PPM1H: variants seen among roughly 807,000 people sequenced by gnomAD.
The protein encoded by PPM1H is protein phosphatase, Mg2+/Mn2+ dependent 1H, also known as protein phosphatase 1H.
PPM1H carries 27 observed loss-of-function variants against 54.9 expected under a neutral mutation model. The ratio of observed to expected loss-of-function variants is 0.49; its 90% CI spans 0.36 to 0.68. The LOEUF (loss-of-function observed/expected upper bound fraction) is 0.68, where lower values mean the gene tolerates loss of function less well. Ranked by LOEUF, PPM1H falls within the 30% of genes least tolerant of loss-of-function variation. The pLI, the probability that PPM1H is intolerant of heterozygous loss-of-function variation, is 0.00. For synonymous variants in PPM1H, 305 were observed against 270.8 expected (o/e 1.13, Z -1.24); for missense variants, 596 against 667.8 (o/e 0.89, Z 1.19).
chr12:62,772,018 A>C lies in PPM1H; in HGVS notation c.869+16208T>G, dbSNP rs919121314. On this transcript the variant is annotated intron_variant, in intron 4 of 9. Transcript: ENST00000228705. Reference sequence around the variant, plus strand: ...TTTACAGACGAGGTAACTGGGGCACAGAATGGTTAAGTAACTGGCTGGAGG... The same window carrying C: ...TTTACAGACGAGGTAACTGGGGCACCGAATGGTTAAGTAACTGGCTGGAGG... Among the ~76,000 whole-genome samples the C allele has an allele frequency of 2.0e-5, 3 of 152,222 alleles. No homozygotes were observed. In the East Asian group the frequency reaches 5.8e-4, roughly 29 times the overall value.
chr12:62,719,967 C>T (rs1363880896), intron 6 of PPM1H, among the ~76,000 whole-genome samples: 2 of 152,154 alleles, frequency 1.3e-5, no homozygotes, highest in African/African-American at 2.4e-5. Flanking sequence ...AGGAGGGCCT[C>T]GAAGAAGCAG....
intron 7 of PPM1H, among the ~76,000 whole-genome samples, chr12:62,692,904 A>T (rs2076090535): frequency 7.0e-6 from 1 of 142,128 alleles, no homozygotes; most frequent in African/African-American, 2.9e-5. Context: ...CCAAAACCTA[A>T]CCATGTTTGT....
At chr12:62,825,732 G>C (rs573188830) in intron 2 of PPM1H, among the ~76,000 whole-genome samples, 1 of 152,082 alleles carries the variant, frequency 6.6e-6, no homozygotes, top group Admixed American at 6.5e-5. Context: ...GGGGCCTGTC[G>C]CGGAGTGTGG....
At chr12:62,717,855 A>G (rs1160985204) in intron 6 of PPM1H, among the ~76,000 whole-genome samples, 3 of 152,234 alleles carry the variant, frequency 2.0e-5, no homozygotes, top group Non-Finnish European at 4.4e-5. Flanking sequence ...TGCTTTTCAA[A>G]GTTAGTAACA....
intron 1 of PPM1H, among the ~76,000 whole-genome samples, chr12:62,894,189 C>A (rs1565822222): frequency 6.6e-6 from 1 of 152,122 alleles, no homozygotes; most frequent in Non-Finnish European, 1.5e-5. Flanking sequence ...GTTTAAGTCA[C>A]TAAGTTGGGA....
intron 1 of PPM1H, among the ~76,000 whole-genome samples, chr12:62,886,915 G>A (rs550813850): frequency 2.0e-4 from 30 of 152,302 alleles, no homozygotes; most frequent in Middle Eastern, 3.4e-3. Flanking sequence ...AGCAAAACCC[G>A]GTGGCAGGTA....
intron 8 of PPM1H, among the ~76,000 whole-genome samples, chr12:62,674,958 C>T (rs2075977658): frequency 6.6e-6 from 1 of 152,158 alleles, no homozygotes; most frequent in African/African-American, 2.4e-5. Context: ...TGGGGCTGCT[C>T]ATGGCTCCAA....
At chr12:62,820,243 G>T (rs993706342) in intron 2 of PPM1H, among the ~76,000 whole-genome samples, 9 of 152,248 alleles carry the variant, frequency 5.9e-5, no homozygotes, top group African/African-American at 9.6e-5. Context: ...TAAACAAAGC[G>T]GCTGGGGAAG....
At chr12:62,902,264 G>C (rs910640696) in intron 1 of PPM1H, among the ~76,000 whole-genome samples, 6 of 151,894 alleles carry the variant, frequency 4.0e-5, no homozygotes, top group Non-Finnish European at 5.9e-5. Flanking sequence ...TGAGGCAGGA[G>C]AATCACTTAA....
chr12:62,816,050 T>G (rs2076864462), intron 2 of PPM1H, among the ~76,000 whole-genome samples: 1 of 152,158 alleles, frequency 6.6e-6, no homozygotes, highest in Admixed American at 6.5e-5. Flanking sequence ...GAGAAAATAT[T>G]TAGTGTCAAA....
chr12:62,745,148 G>A (rs1373662923), intron 4 of PPM1H, among the ~76,000 whole-genome samples: 1 of 152,084 alleles, frequency 6.6e-6, no homozygotes, highest in Non-Finnish European at 1.5e-5. Context: ...GTTTCAATGA[G>A]TGGCAAGGAA....
In PPM1H at chr12:62,673,715, CTTT is replaced by C. The variant is rs567775927; in HGVS notation, c.1246-6389_1246-6387del. 8.6e-3 allele frequency among the ~76,000 whole-genome samples: 360 copies of C among 41,914 alleles called. 1 individual carries two copies. The highest frequency in any genetic ancestry group is 0.036 in the Middle Eastern group (1 of 28). 27.5% of individuals were successfully genotyped at this position (41,914 alleles called of 152,430 possible). The stretch of plus-strand genomic sequence containing the variant: ...GCTTTGTGACTTGAGAAGAGCCACT[CTTT>C]TTTTTTTTTTTTTTTTTTTTTTTTT... On this transcript the variant is annotated intron_variant, in intron 8 of 9. Transcript: ENST00000228705.
chr12:62,930,692 C>T (rs1046400457), intron 1 of PPM1H, among the ~76,000 whole-genome samples: 9 of 152,200 alleles, frequency 5.9e-5, no homozygotes, highest in South Asian at 2.1e-4. Flanking sequence ...AAGTAGCTGC[C>T]GCCTGGTCTC....
intron 1 of PPM1H, among the ~76,000 whole-genome samples, chr12:62,862,247 G>C (rs1460894321): frequency 3.3e-5 from 5 of 152,174 alleles, no homozygotes; most frequent in Non-Finnish European, 7.4e-5. Context: ...ATATAAGATG[G>C]CTACTGGCCC....
At position 62,838,805 on chromosome 12, in the gene PPM1H, C is replaced by T. The variant is rs927627000; in HGVS notation, c.246-6526G>A. On this transcript the variant is annotated intron_variant, in intron 1 of 9. Transcript: ENST00000228705. Reference sequence around the variant, plus strand: ...GCGTAGTGGCGGGCGCCTGTAGTCCCAGCTACTCGGGAGGCTGAGGCAGGA... The same window carrying T: ...GCGTAGTGGCGGGCGCCTGTAGTCCTAGCTACTCGGGAGGCTGAGGCAGGA... Among the ~76,000 whole-genome samples, 4 of 130,928 alleles carry T rather than the reference C, an allele frequency of 3.1e-5. 1 individual carries two copies. Among genetic ancestry groups the T allele is most frequent in the African/African-American group, 1.3e-4 (4 of 30,964 alleles). 85.9% of individuals were successfully genotyped at this position (130,928 alleles called of 152,430 possible).
chr12:62,819,781 C>T (rs1006845896), intron 2 of PPM1H, among the ~76,000 whole-genome samples: 4 of 152,190 alleles, frequency 2.6e-5, no homozygotes, highest in Non-Finnish European at 5.9e-5. Flanking sequence ...TCAGGTGCCA[C>T]TGTCAAGAGC....
At chr12:62,859,986 G>T (rs1292002272) in intron 1 of PPM1H, among the ~76,000 whole-genome samples, 2 of 152,198 alleles carry the variant, frequency 1.3e-5, no homozygotes, top group Non-Finnish European at 2.9e-5. Context: ...CTTGTCTTCT[G>T]GGGAGGTGAA....
intron 1 of PPM1H, among the ~76,000 whole-genome samples, chr12:62,852,573 T>C (rs1869236459): frequency 6.6e-6 from 1 of 152,234 alleles, no homozygotes. Context: ...AATGCCATCA[T>C]GTAGAGGAAT....
chr12:62,827,150 A>G (rs1318714877), intron 2 of PPM1H, among the ~76,000 whole-genome samples: 3 of 152,136 alleles, frequency 2.0e-5, no homozygotes, highest in African/African-American at 2.4e-5. Context: ...ATTTCCTACA[A>G]AACACTTTCA....
Sources: gnomAD v4.1 joint callset for allele counts (sites outside exome capture counted in the v4.1 genomes callset) on GRCh38, gnomAD v4.1.1 for gene constraint, MANE v1.5 for transcripts, NCBI Gene and HGNC (gene_info 2026-07-23, HGNC 2026-07-21) for gene names.